PPP2R3B: variants seen among roughly 807,000 people sequenced by gnomAD.
The protein encoded by PPP2R3B is serine/threonine-protein phosphatase 2A regulatory subunit B'' subunit beta.
Under a neutral mutation model 72.9 loss-of-function variants are expected in PPP2R3B, and 68 were observed. The ratio of observed to expected loss-of-function variants is 0.93; its 90% CI spans 0.77 to 1.14. PPP2R3B has a LOEUF of 1.14. Among genes scored for constraint, PPP2R3B ranks in the 50% most tolerant of loss-of-function variants. The pLI, the probability that PPP2R3B is intolerant of heterozygous loss-of-function variation, is 0.00. For synonymous variants in PPP2R3B, 466 were observed against 375.8 expected (o/e 1.24, Z -2.78); for missense variants, 1,018 against 842.0 (o/e 1.21, Z -2.59).
chrX:338,924 G>A (rs199497774), intron 10 of PPP2R3B, 28 bp from the exon 11 acceptor site: 220 of 1,591,652 alleles, frequency 1.4e-4, no homozygotes, highest in Middle Eastern at 1.1e-3. Context: ...CGTCCAAGGC[G>A]CGTGAGCCCG....
intron 1 of PPP2R3B, among the ~76,000 whole-genome samples, chrX:375,761 C>T (rs368417282): frequency 5.4e-5 from 7 of 130,080 alleles, no homozygotes; most frequent in African/African-American, 1.4e-4. Context: ...GCGGGGGAAG[C>T]GAGCCAACGG....
chrX:367,944 G>T (rs1405508401), intron 1 of PPP2R3B, among the ~76,000 whole-genome samples: 1 of 152,222 alleles, frequency 6.6e-6, no homozygotes. Context: ...GGACAGACCT[G>T]GAGACAGACA....
At chrX:384,982 CAAAAAAAAAAAAA>C (rs773590401) in intron 1 of PPP2R3B, among the ~76,000 whole-genome samples, 1 of 63,072 alleles carries the variant, frequency 1.6e-5, no homozygotes, top group African/African-American at 5.9e-5. Flanking sequence ...GAATCTGTCT[CAAAAAAAAAAAAA>C]AAAAAAAAAA....
intron 7 of PPP2R3B, among the ~76,000 whole-genome samples, chrX:344,369 G>C (rs1306245336): frequency 6.6e-6 from 1 of 152,202 alleles, no homozygotes; most frequent in African/African-American, 2.4e-5. Context: ...CACCGTCGCC[G>C]TCAGCTTGGG....
intron 1 of PPP2R3B, among the ~76,000 whole-genome samples, chrX:366,732 G>A (rs866274435): frequency 2.8e-4 from 27 of 96,998 alleles, no homozygotes; most frequent in Non-Finnish European, 4.0e-4. Flanking sequence ...GTGTGGTGGC[G>A]CATGCCTGTA....
intron 1 of PPP2R3B, among the ~76,000 whole-genome samples, chrX:370,397 C>T (rs1441444411): frequency 6.6e-6 from 1 of 152,114 alleles, no homozygotes; most frequent in African/African-American, 2.4e-5. Flanking sequence ...CAGGCACTGG[C>T]GCCTGCAGCC....
chrX:361,387 C>A lies in PPP2R3B; in HGVS notation c.510+18G>T. 6.2e-7 allele frequency: 1 copy of A among 1,613,546 alleles called. No individual in the cohort carries two copies. ...CAGTACCACCTCGGCTGCTCCACGT[C>A]CCACGCGTGACACGTACCTTGGCCA... On this transcript the variant is annotated intron_variant, in intron 2 of 12. Transcript: ENST00000390665.
chrX:346,743 G>A lies in PPP2R3B; in HGVS notation c.750C>T (p.Phe250=), dbSNP rs765383102. 1.6e-5 allele frequency: 25 copies of A among 1,610,682 alleles called. 1 individual carries two copies. In the African/African-American group the frequency reaches 2.7e-4, roughly 17 times the overall value. ...AGTGGAACTCGGACGCCTCCTTCAG[G>A]AACGACAGCCCCGGGTGCGTGTTCA... ...DVVNTHPGLS[F]LKEASEFHSR... The change falls in exon 5 of 13, where the codon TTC becomes TTT. Residue 250 remains phenylalanine, a synonymous_variant. Coordinates refer to ENST00000390665, the MANE Select transcript of PPP2R3B (RefSeq NM_013239.5).
chrX:350,418 C>T (rs1222114191), intron 2 of PPP2R3B, among the ~76,000 whole-genome samples: 3 of 152,176 alleles, frequency 2.0e-5, no homozygotes, highest in East Asian at 1.9e-4. Context: ...GGTCAGCTAC[C>T]GGCACGGTGA....
At chrX:372,960 C>T (rs765557613) in intron 1 of PPP2R3B, among the ~76,000 whole-genome samples, 59 of 152,196 alleles carry the variant, frequency 3.9e-4, no homozygotes, top group Non-Finnish European at 7.8e-4. Context: ...ATTTCAAAGC[C>T]ACTGAGTTAC....
At chrX:361,321 C>G (rs1404522337) in intron 2 of PPP2R3B, 84 bp downstream of exon 2, 5 of 1,490,552 alleles carry the variant, frequency 3.4e-6, no homozygotes, top group African/African-American at 1.4e-5. Context: ...TCGTGTGACA[C>G]GCACCCACCA....
intron 12 of PPP2R3B, 139 bp from the exon 13 acceptor site, chrX:334,656 A>G (rs1312919947): frequency 9.1e-5 from 93 of 1,025,774 alleles, no homozygotes; most frequent in Non-Finnish European, 1.1e-4. Flanking sequence ...CCAGCCGCTG[A>G]GCCAGCAACG....
chrX:351,385 C>T lies in PPP2R3B; in HGVS notation c.511-3692G>A. Among the ~76,000 whole-genome samples the T allele has an allele frequency of 2.0e-5, 3 of 152,294 alleles. 1 individual carries two copies. Among genetic ancestry groups the T allele is most frequent in the Admixed American group, 2.0e-4 (3 of 15,306 alleles). ...CCCAGGGATGGGGGGATGTGTGAGC[C>T]TTCACATCTGTGCTCCTCACCGCGT... is the stretch of plus-strand genomic sequence containing the variant. On this transcript the variant is annotated intron_variant, in intron 2 of 12. Transcript: ENST00000390665.
At chrX:352,693 A>T (rs1365129911) in intron 2 of PPP2R3B, among the ~76,000 whole-genome samples, 1 of 151,968 alleles carries the variant, frequency 6.6e-6, no homozygotes, top group Non-Finnish European at 1.5e-5. Flanking sequence ...AGGCAGACAA[A>T]GTCCCGAGCG....
rs760616499 is a variant in PPP2R3B, at chrX:345,520, G to T, written c.1032C>A (p.Asp344Glu). The T allele has an allele frequency of 1.2e-6, 2 of 1,612,802 alleles. No homozygotes were observed. The highest frequency in any genetic ancestry group is 1.7e-6 in the Non-Finnish European group (2 of 1,179,526). The change falls in exon 7 of 13, where the codon GAC (aspartate) becomes GAA (glutamate). Residue 344 changes from aspartate to glutamate, a missense_variant. Asp to Glu is a conservative substitution (Grantham distance 45). Transcript: ENST00000390665. ...IDADDLARHNDHALSTKMIDR... is the reference protein window; with the variant it reads ...IDADDLARHNEHALSTKMIDR... ...CGCCCCTGTGCCCCCACGCACCGTG[G>T]TCATTGTGCCGCGCCAGGTCGTCCG...
At chrX:357,206 G>A (rs1328333573) in intron 2 of PPP2R3B, among the ~76,000 whole-genome samples, 2 of 151,928 alleles carry the variant, frequency 1.3e-5, no homozygotes, top group Non-Finnish European at 2.9e-5. Context: ...ATGATGAGGT[G>A]CAAAAGGAGG....
In PPP2R3B at chrX:386,429, G is replaced by C. The variant is rs761375861; in HGVS notation, c.263C>G (p.Ala88Gly). ...GTGGGGCGCGTTCCTGGGGCTGGAG[G>C]CGGCGCCCAGGGGCAGCGCAGGGCC... ...GPGPALPLGA[A>G]SSPRNAPHVR... Residue 88 changes from alanine to glycine, a missense_variant, in exon 1 of 13, where the codon GCC becomes GGC. Transcript: ENST00000390665. The C allele has an allele frequency of 7.6e-7, 1 of 1,318,708 alleles. No homozygotes were observed. The highest frequency in any genetic ancestry group is 3.1e-5 in the Admixed American group (1 of 32,698). 81.7% of individuals were successfully genotyped at this position (1,318,708 alleles called of 1,614,324 possible).
At chrX:362,811 C>T (rs1279833638) in intron 1 of PPP2R3B, among the ~76,000 whole-genome samples, 2 of 152,098 alleles carry the variant, frequency 1.3e-5, no homozygotes, top group East Asian at 1.9e-4. Context: ...GGACCCTCAC[C>T]CCAGGTCACA....
At chrX:383,837 C>CAAAAAAAAAAAAA (rs757960788) in intron 1 of PPP2R3B, among the ~76,000 whole-genome samples, 9 of 45,626 alleles carry the variant, frequency 2.0e-4, no homozygotes, top group African/African-American at 2.6e-4. Flanking sequence ...GACTCCGTCT[C>CAAAAAAAAAAAAA]AAAAAAAAAA....
Sources: allele counts gnomAD v4.1 joint callset (sites outside exome capture counted in the v4.1 genomes callset), GRCh38; gene constraint gnomAD v4.1.1; transcripts MANE v1.5; gene names NCBI Gene and HGNC (gene_info 2026-07-23, HGNC 2026-07-21).